CHRM2: variants seen among roughly 807,000 people sequenced by gnomAD.
The protein encoded by CHRM2 is cholinergic receptor muscarinic 2.
CHRM2 carries 8 observed loss-of-function variants against 25.0 expected under a neutral mutation model. The ratio of observed to expected loss-of-function variants is 0.32; its 90% CI spans 0.19 to 0.58. The LOEUF is 0.58. CHRM2 is among the 20% of genes least tolerant of loss of function. The pLI is 0.88. For synonymous variants in CHRM2, 202 were observed against 205.7 expected, an observed-to-expected ratio of 0.98 and a Z score of 0.15; for missense variants, 440 against 567.1, an observed-to-expected ratio of 0.78 and a Z score of 2.28.
At chr7:136,875,500 C>T (rs1367875333) in intron 2 of CHRM2, among the ~76,000 whole-genome samples, 3 of 152,030 alleles carry the variant, frequency 2.0e-5, no homozygotes, top group South Asian at 2.1e-4. Flanking sequence ...TCTTTCCATC[C>T]GGGCATCTTT....
chr7:136,917,409 G>A (rs1798183992), intron 2 of CHRM2, among the ~76,000 whole-genome samples: 1 of 151,950 alleles, frequency 6.6e-6, no homozygotes, highest in Non-Finnish European at 1.5e-5. Flanking sequence ...ATAACAGTGT[G>A]AGAACATATT....
At chr7:136,971,270 C>G (rs540129591) in intron 2 of CHRM2, among the ~76,000 whole-genome samples, 1 of 152,302 alleles carries the variant, frequency 6.6e-6, no homozygotes, top group South Asian at 2.1e-4. Flanking sequence ...TAGAACTCAG[C>G]TTCACTGTAC....
At chr7:137,003,521 CA>C (rs1804210671) in intron 3 of CHRM2, among the ~76,000 whole-genome samples, 1 of 73,238 alleles carries the variant, frequency 1.4e-5, no homozygotes, top group Admixed American at 1.6e-4. Flanking sequence ...CACACACACA[CA>C]CACACACACA....
At chr7:136,879,357 C>T (rs1796170121) in intron 2 of CHRM2, among the ~76,000 whole-genome samples, 1 of 151,944 alleles carries the variant, frequency 6.6e-6, no homozygotes, top group East Asian at 1.9e-4. Context: ...TTAACTTCTG[C>T]ATTGCAGATG....
intron 2 of CHRM2, among the ~76,000 whole-genome samples, chr7:136,884,630 T>C (rs73157099): frequency 2.0e-5 from 3 of 152,252 alleles, no homozygotes; most frequent in Non-Finnish European, 4.4e-5. Flanking sequence ...AATTAGGTGA[T>C]AGAATGTGCT....
chr7:136,927,300 G>A (rs529757840), intron 2 of CHRM2, among the ~76,000 whole-genome samples: 2 of 152,226 alleles, frequency 1.3e-5, no homozygotes, highest in African/African-American at 4.8e-5. Flanking sequence ...CTGGATTATA[G>A]TCTCTGGTGT....
chr7:136,929,182 T>C (rs1222270546), intron 2 of CHRM2, among the ~76,000 whole-genome samples: 2 of 152,214 alleles, frequency 1.3e-5, no homozygotes, highest in African/African-American at 4.8e-5. Flanking sequence ...AATTTACTAA[T>C]TGAATTAGCC....
At chr7:136,876,706 C>T (rs542414988) in intron 2 of CHRM2, among the ~76,000 whole-genome samples, 22 of 152,146 alleles carry the variant, frequency 1.4e-4, no homozygotes, top group Admixed American at 3.3e-4. Context: ...AGTAACGAGG[C>T]AGTCTTTTGA....
intron 2 of CHRM2, among the ~76,000 whole-genome samples, chr7:136,989,537 A>G (rs959310928): frequency 1.3e-5 from 2 of 152,170 alleles, no homozygotes; most frequent in African/African-American, 4.8e-5. Flanking sequence ...AGCCTTTTGT[A>G]GGAAGTTCAA....
intron 2 of CHRM2, among the ~76,000 whole-genome samples, chr7:136,944,585 G>A (rs564542966): frequency 6.6e-6 from 1 of 152,034 alleles, no homozygotes; most frequent in South Asian, 2.1e-4. Context: ...ATGAGCATCT[G>A]GACTGGTTCC....
intron 3 of CHRM2, among the ~76,000 whole-genome samples, chr7:136,996,968 T>C (rs1397588993): frequency 6.6e-6 from 1 of 152,132 alleles, no homozygotes; most frequent in Non-Finnish European, 1.5e-5. Flanking sequence ...TTCTTTATAA[T>C]TCTAAATATG....
At chr7:137,006,906 A>T (rs2131092398) in intron 3 of CHRM2, among the ~76,000 whole-genome samples, 1 of 152,168 alleles carries the variant, frequency 6.6e-6, no homozygotes, top group South Asian at 2.1e-4. Context: ...GTAGGTGAGG[A>T]CATGGCTGTC....
chr7:136,904,349 T>C (rs1401703600), intron 2 of CHRM2, among the ~76,000 whole-genome samples: 3 of 151,920 alleles, frequency 2.0e-5, no homozygotes, highest in African/African-American at 7.2e-5. Context: ...CCTATTCACA[T>C]TTTCTATATC....
intron 2 of CHRM2, among the ~76,000 whole-genome samples, chr7:136,940,968 C>A (rs2130816112): frequency 6.6e-6 from 1 of 152,276 alleles, no homozygotes; most frequent in African/African-American, 2.4e-5. Context: ...ATTTGAAGGA[C>A]TGTCAAGTAC....
chr7:136,921,860 C>T (rs755276649), intron 2 of CHRM2, among the ~76,000 whole-genome samples: 1 of 150,112 alleles, frequency 6.7e-6, no homozygotes, highest in Non-Finnish European at 1.5e-5. Context: ...CTGCTCACTG[C>T]AACCTTCCCC....
At chr7:136,984,710 A>G (rs1279671336) in intron 2 of CHRM2, among the ~76,000 whole-genome samples, 1 of 151,626 alleles carries the variant, frequency 6.6e-6, no homozygotes, top group African/African-American at 2.4e-5. Context: ...GAGTTCCCTG[A>G]CCCCTTGCAC....
intron 3 of CHRM2, among the ~76,000 whole-genome samples, chr7:137,011,221 A>G (rs559939111): frequency 0.059 from 6,840 of 116,884 alleles, 252 homozygotes; most frequent in African/African-American, 0.15. Context: ...GTGTGTATAT[A>G]TATATATATA....
chr7:136,964,845 C>G (rs1801311870), intron 2 of CHRM2, among the ~76,000 whole-genome samples: 1 of 152,124 alleles, frequency 6.6e-6, no homozygotes, highest in Non-Finnish European at 1.5e-5. Flanking sequence ...TTTAAAGTGT[C>G]CAAAACTAAC....
chr7:136,898,322 C>T (rs1797014142), intron 2 of CHRM2, among the ~76,000 whole-genome samples: 1 of 152,096 alleles, frequency 6.6e-6, no homozygotes, highest in Non-Finnish European at 1.5e-5. Context: ...TACTCTTAAT[C>T]TGATCATAGG....
Sources: allele counts gnomAD v4.1 joint callset (sites outside exome capture counted in the v4.1 genomes callset), GRCh38; gene constraint gnomAD v4.1.1; transcripts MANE v1.5; gene names NCBI Gene and HGNC (gene_info 2026-07-23, HGNC 2026-07-21).